Variants in SAMD4A observed in about 807,000 individuals in gnomAD.
SAMD4A encodes sterile alpha motif domain containing 4A, also known as protein Smaug homolog 1.
A neutral mutation model predicts 81.3 loss-of-function variants in SAMD4A; 33 were observed. That is an observed-to-expected ratio of 0.41 (90% confidence interval 0.31 to 0.54). The LOEUF (loss-of-function observed/expected upper bound fraction) is 0.54. Ranked by LOEUF, SAMD4A falls within the 20% of genes least tolerant of loss-of-function variation. SAMD4A has a pLI of 0.37. For missense variants in SAMD4A, 854 were observed against 951.1 expected, an observed-to-expected ratio of 0.90 and a Z score of 1.34; for synonymous variants, 389 against 382.1, an observed-to-expected ratio of 1.02 and a Z score of -0.21.
chr14:54,756,532 T>C (rs922114755), intron 6 of SAMD4A, among the ~76,000 whole-genome samples: 4 of 152,214 alleles, frequency 2.6e-5, no homozygotes, highest in Admixed American at 2.6e-4. Context: ...AGATTATGAC[T>C]TAATTTGTTT....
At position 54,746,738 on chromosome 14, in the gene SAMD4A, G is replaced by T. The variant is rs150050671; in HGVS notation, c.980-2077G>T. Among the ~76,000 whole-genome samples the T allele has an allele frequency of 8.1e-4, 123 of 152,330 alleles. No individual in the cohort carries two copies. The East Asian group carries it at 0.013, about 16-fold the overall frequency. On this transcript the variant is annotated intron_variant, in intron 4 of 12. Coordinates refer to ENST00000554335, the MANE Select transcript of SAMD4A (RefSeq NM_015589.6). ...CAGTGAAAATTTGGTCCAAGAGCCTGCTACCTTCTCTTTTGTGATGAATTG... is the reference window on the plus strand; with the variant it reads ...CAGTGAAAATTTGGTCCAAGAGCCTTCTACCTTCTCTTTTGTGATGAATTG...
chr14:54,712,827 G>T (rs369230316), intron 3 of SAMD4A, among the ~76,000 whole-genome samples: 1 of 152,236 alleles, frequency 6.6e-6, no homozygotes, highest in African/African-American at 2.4e-5. Context: ...GACAGTGAGG[G>T]TTATTAAACA....
At chr14:54,568,721 AT>A (rs2033034548) in intron 2 of SAMD4A, among the ~76,000 whole-genome samples, 1 of 127,572 alleles carries the variant, frequency 7.8e-6, no homozygotes, top group South Asian at 2.6e-4. Flanking sequence ...ATATATATAT[AT>A]ATATATATAT....
At position 54,770,097 on chromosome 14, in the gene SAMD4A, T is replaced by C; in HGVS notation, c.1597-7T>C. Reference sequence around the variant, plus strand: ...CACCCATTTAAAAGTCCTGTTTGTTTTTGCAGGCATTTACAGAGACACAGA... The same window carrying C: ...CACCCATTTAAAAGTCCTGTTTGTTCTTGCAGGCATTTACAGAGACACAGA... On this transcript the variant is annotated splice_region_variant and splice_polypyrimidine_tract_variant and intron_variant, in intron 8 of 12. Coordinates refer to ENST00000554335, the MANE Select transcript of SAMD4A (RefSeq NM_015589.6). 1 of 1,594,776 alleles carries C rather than the reference T, an allele frequency of 6.3e-7. No homozygotes were observed. Among genetic ancestry groups the C allele is most frequent in the Non-Finnish European group, 8.6e-7 (1 of 1,162,988 alleles).
chr14:54,783,385 G>A (rs1442304023), intron 11 of SAMD4A, among the ~76,000 whole-genome samples: 1 of 152,204 alleles, frequency 6.6e-6, no homozygotes. Flanking sequence ...GGCCTGCGGA[G>A]GTGCTGACAG....
At chr14:54,766,914 T>C (rs1421548423) in intron 8 of SAMD4A, among the ~76,000 whole-genome samples, 1 of 152,118 alleles carries the variant, frequency 6.6e-6, no homozygotes, top group Non-Finnish European at 1.5e-5. Flanking sequence ...ATCCTGCATG[T>C]CCTCCCTTGG....
intron 2 of SAMD4A, among the ~76,000 whole-genome samples, chr14:54,611,177 T>G (rs1464708774): frequency 6.6e-6 from 1 of 152,172 alleles, no homozygotes; most frequent in East Asian, 1.9e-4. Flanking sequence ...AATTCAAAGA[T>G]TAGTTAATGA....
chr14:54,685,473 A>G (rs1373289677), intron 2 of SAMD4A, among the ~76,000 whole-genome samples: 2 of 152,224 alleles, frequency 1.3e-5, no homozygotes, highest in Non-Finnish European at 2.9e-5. Flanking sequence ...CATTGGATGT[A>G]TATTCCGCAT....
At chr14:54,611,801 C>T (rs536300340) in intron 2 of SAMD4A, among the ~76,000 whole-genome samples, 28 of 151,314 alleles carry the variant, frequency 1.9e-4, no homozygotes, top group African/African-American at 4.6e-4. Context: ...CACTTGAACC[C>T]GGGAGGTGGA....
At chr14:54,710,317 G>A (rs1396253286) in intron 3 of SAMD4A, among the ~76,000 whole-genome samples, 1 of 152,086 alleles carries the variant, frequency 6.6e-6, no homozygotes, top group East Asian at 1.9e-4. Context: ...CACCTACATA[G>A]TGTTTACTAT....
intron 12 of SAMD4A, among the ~76,000 whole-genome samples, 157 bp downstream of exon 12, chr14:54,784,777 C>G (rs559255834): frequency 3.3e-5 from 5 of 152,128 alleles, no homozygotes; most frequent in Admixed American, 6.5e-5. Context: ...CCTTAGGGTA[C>G]TGTTGGACCA....
intron 2 of SAMD4A, among the ~76,000 whole-genome samples, chr14:54,627,769 T>C (rs2034801047): frequency 6.6e-6 from 1 of 152,248 alleles, no homozygotes; most frequent in Admixed American, 6.5e-5. Context: ...ATTTGTAAAC[T>C]GCAGGTCAAA....
At chr14:54,612,204 A>T (rs1355758754) in intron 2 of SAMD4A, among the ~76,000 whole-genome samples, 1 of 152,184 alleles carries the variant, frequency 6.6e-6, no homozygotes, top group Non-Finnish European at 1.5e-5. Context: ...TTTTTCAAAG[A>T]AAAGCCTTTC....
intron 2 of SAMD4A, among the ~76,000 whole-genome samples, chr14:54,675,367 CAAAAAAAAA>C (rs59110762): frequency 1.3e-5 from 1 of 75,390 alleles, no homozygotes; most frequent in Non-Finnish European, 2.5e-5. Context: ...ACTCCGTCTC[CAAAAAAAAA>C]AAAAAAAAAA....
At chr14:54,651,841 T>C (rs1046105658) in intron 2 of SAMD4A, among the ~76,000 whole-genome samples, 4 of 152,200 alleles carry the variant, frequency 2.6e-5, no homozygotes, top group African/African-American at 9.7e-5. Flanking sequence ...CATCATAGAC[T>C]CCTTGGCCAT....
At chr14:54,783,471 G>A (rs1254951638) in intron 11 of SAMD4A, among the ~76,000 whole-genome samples, 3 of 152,232 alleles carry the variant, frequency 2.0e-5, no homozygotes, top group Non-Finnish European at 4.4e-5. Context: ...TTGGAACCTG[G>A]GGAGATAGAG....
chr14:54,781,662 CACGA>C (rs2039001528), intron 11 of SAMD4A, among the ~76,000 whole-genome samples: 1 of 152,186 alleles, frequency 6.6e-6, no homozygotes, highest in Non-Finnish European at 1.5e-5. Context: ...GGTCTGTGGC[CACGA>C]GGGGCAGGGG....
intron 10 of SAMD4A, among the ~76,000 whole-genome samples, chr14:54,775,499 C>CA (rs1157073365): frequency 6.6e-6 from 1 of 152,170 alleles, no homozygotes; most frequent in Non-Finnish European, 1.5e-5. Context: ...TTATCCATGG[C>CA]AAAAAGCTCC....
chr14:54,759,230 C>T (rs1468644404), intron 6 of SAMD4A, among the ~76,000 whole-genome samples: 1 of 152,198 alleles, frequency 6.6e-6, no homozygotes, highest in African/African-American at 2.4e-5. Flanking sequence ...TCAAAACCTT[C>T]CCTGGTTTCC....
Sources: allele counts gnomAD v4.1 joint callset (sites outside exome capture counted in the v4.1 genomes callset), GRCh38; gene constraint gnomAD v4.1.1; transcripts MANE v1.5; gene names NCBI Gene and HGNC (gene_info 2026-07-23, HGNC 2026-07-21).